The following APBA2 variants were observed in gnomAD, a reference collection of about 807,000 sequenced individuals.
APBA2 encodes the protein amyloid-beta A4 precursor protein-binding family A member 2.
In APBA2, 30 loss-of-function variants were observed where a neutral mutation model predicts 75.0. The observed-to-expected ratio is 0.40, with a 90% confidence interval of 0.30 to 0.54. The LOEUF is 0.54. Ranked by LOEUF, APBA2 falls within the 20% of genes least tolerant of loss-of-function variation. The pLI is 0.49. For missense variants in APBA2, 801 were observed against 1,016.1 expected (o/e 0.79, Z 2.88); for synonymous variants, 444 against 409.6 (o/e 1.08, Z -1.01).
chr15:29,096,166 T>C (rs1170461622), intron 8 of APBA2, among the ~76,000 whole-genome samples: 1 of 152,226 alleles, frequency 6.6e-6, no homozygotes, highest in Non-Finnish European at 1.5e-5. Flanking sequence ...GCCATGGGGA[T>C]GACTGCAGGT....
intron 3 of APBA2, among the ~76,000 whole-genome samples, chr15:29,012,755 T>C (rs1377888096): frequency 1.3e-5 from 2 of 152,216 alleles, no homozygotes; most frequent in African/African-American, 2.4e-5. Flanking sequence ...ATTTGGACCC[T>C]CAAGTTCTTG....
In APBA2 at chr15:29,051,647, G is replaced by A. The variant is rs148563969; in HGVS notation, c.-40-2198G>A. Among the ~76,000 whole-genome samples, 13 of 152,248 alleles carry A rather than the reference G, an allele frequency of 8.5e-5. 1 individual carries two copies. The East Asian group carries it at 2.5e-3, about 29-fold the overall frequency. ...ATACTGCTGTAACCGTGACCATCTG[G>A]TACACTCAGTCTCATAACAAGATGT... On this transcript the variant is annotated intron_variant, in intron 3 of 14. Transcript: ENST00000683413.
chr15:28,891,094 T>C (rs1178753330), intron 1 of APBA2, among the ~76,000 whole-genome samples: 1 of 152,246 alleles, frequency 6.6e-6, no homozygotes, highest in African/African-American at 2.4e-5. Flanking sequence ...ACGGAAACAC[T>C]CCAACATTTG....
chr15:28,913,734 A>G (rs962054206), intron 1 of APBA2, among the ~76,000 whole-genome samples: 1 of 152,222 alleles, frequency 6.6e-6, no homozygotes, highest in Non-Finnish European at 1.5e-5. Flanking sequence ...TTAGAACGTT[A>G]GCACTTATTT....
chr15:29,009,574 A>C (rs1257702656), intron 3 of APBA2, among the ~76,000 whole-genome samples: 1 of 151,864 alleles, frequency 6.6e-6, no homozygotes, highest in African/African-American at 2.4e-5. Context: ...GCCATAACCC[A>C]CCCCCGACCA....
At chr15:29,034,321 A>G (rs1007347240) in intron 3 of APBA2, among the ~76,000 whole-genome samples, 1 of 152,172 alleles carries the variant, frequency 6.6e-6, no homozygotes, top group African/African-American at 2.4e-5. Context: ...CTCTGGCATC[A>G]CCAACCTCCA....
At chr15:28,938,665 C>T (rs534804395) in intron 2 of APBA2, among the ~76,000 whole-genome samples, 112 of 152,164 alleles carry the variant, frequency 7.4e-4, no homozygotes, top group African/African-American at 2.5e-3. Flanking sequence ...TACGCCACCT[C>T]GCCTGGCTAA....
Position 28,971,460 on chromosome 15 carries a change from A to G in APBA2, c.-94-24293A>G, listed in dbSNP as rs376811197. On this transcript the variant is annotated intron_variant, in intron 2 of 14. Coordinates refer to ENST00000683413, the MANE Select transcript of APBA2 (RefSeq NM_001353788.2). ...GAGCCATCAGGACCGGGCACAGGAG[A>G]GTGCAGCAGCGGCCTGGTCCCACCC... Among the ~76,000 whole-genome samples the G allele has an allele frequency of 3.3e-5, 5 of 152,180 alleles. No individual in the cohort carries two copies. The South Asian group carries it at 1.0e-3, about 32-fold the overall frequency.
At chr15:29,025,903 A>G (rs1397119293) in intron 3 of APBA2, among the ~76,000 whole-genome samples, 3 of 151,046 alleles carry the variant, frequency 2.0e-5, no homozygotes, top group Non-Finnish European at 2.9e-5. Context: ...GTGAGCCAAG[A>G]TCGTGCCACT....
At chr15:29,024,326 C>A (rs956810191) in intron 3 of APBA2, among the ~76,000 whole-genome samples, 3 of 152,206 alleles carry the variant, frequency 2.0e-5, no homozygotes, top group African/African-American at 7.2e-5. Context: ...TAACAGCATT[C>A]ACAGTAATTC....
At chr15:28,929,545 G>A (rs2034453013) in intron 2 of APBA2, among the ~76,000 whole-genome samples, 1 of 152,118 alleles carries the variant, frequency 6.6e-6, no homozygotes, top group Non-Finnish European at 1.5e-5. Flanking sequence ...TGGTGCTGGC[G>A]CCCAGGCTTC....
At chr15:29,017,131 G>A (rs552607836) in intron 3 of APBA2, among the ~76,000 whole-genome samples, 60 of 152,198 alleles carry the variant, frequency 3.9e-4, no homozygotes, top group African/African-American at 1.4e-3. Flanking sequence ...AGGAGGCTTT[G>A]CAGCTTGAGG....
chr15:28,902,945 G>A (rs922157766), intron 1 of APBA2, among the ~76,000 whole-genome samples: 4 of 152,132 alleles, frequency 2.6e-5, no homozygotes, highest in Non-Finnish European at 5.9e-5. Flanking sequence ...CAAGTTTCTG[G>A]GTGCTTGAAA....
intron 2 of APBA2, among the ~76,000 whole-genome samples, chr15:28,943,218 C>G (rs991655718): frequency 2.0e-5 from 3 of 152,196 alleles, no homozygotes; most frequent in Non-Finnish European, 4.4e-5. Context: ...CTAAAGGCTT[C>G]TTCCTTGCCC....
At chr15:28,996,921 G>A (rs2038557071) in intron 3 of APBA2, among the ~76,000 whole-genome samples, 1 of 152,214 alleles carries the variant, frequency 6.6e-6, no homozygotes, top group Non-Finnish European at 1.5e-5. Context: ...AGACCAGCAG[G>A]GGTGAGGACG....
chr15:29,015,848 C>T (rs1022464474), intron 3 of APBA2, among the ~76,000 whole-genome samples: 2 of 152,186 alleles, frequency 1.3e-5, no homozygotes, highest in Admixed American at 6.5e-5. Flanking sequence ...GCCATGTGAC[C>T]CGGGGCAGAT....
rs1347428523 is a variant in APBA2 at position 29,046,274 on chromosome 15, A to G, written c.-40-7571A>G. On this transcript the variant is annotated intron_variant, in intron 3 of 14. Transcript: ENST00000683413. The surrounding 1 kb of genome is among the most constrained non-coding windows in gnomAD (Gnocchi z 5.0). ...GGAGAACACTTTCTTTGAAAGAACC[A>G]CTTGTTTCTACCTACGTTTTTGCCC... Among the ~76,000 whole-genome samples, 1 of 152,168 alleles carries G rather than the reference A, an allele frequency of 6.6e-6. No homozygotes were observed. Among genetic ancestry groups the G allele is most frequent in the Admixed American group, 6.5e-5 (1 of 15,282 alleles).
chr15:28,891,093 C>T (rs1480804534), intron 1 of APBA2, among the ~76,000 whole-genome samples: 1 of 152,214 alleles, frequency 6.6e-6, no homozygotes. Context: ...AACGGAAACA[C>T]TCCAACATTT....
At chr15:28,916,981 G>T (rs1428273136) in intron 1 of APBA2, among the ~76,000 whole-genome samples, 2 of 152,054 alleles carry the variant, frequency 1.3e-5, no homozygotes, top group African/African-American at 2.4e-5. Context: ...TTTCTGAAAG[G>T]CTTCATTCTA....
Sources: allele counts gnomAD v4.1 joint callset (sites outside exome capture counted in the v4.1 genomes callset), GRCh38; gene constraint gnomAD v4.1.1; non-coding constraint Gnocchi (gnomAD v3.1); transcripts MANE v1.5; gene names NCBI Gene and HGNC (gene_info 2026-07-23, HGNC 2026-07-21).